ARB2A: variants seen among roughly 807,000 people sequenced by gnomAD.
The protein encoded by ARB2A is cotranscriptional regulator ARB2A.
the ARB2A span, among the ~76,000 whole-genome samples, chr5:93,972,716 A>G: frequency 2.0e-5 from 3 of 152,184 alleles, no homozygotes; most frequent in African/African-American, 7.2e-5. Flanking sequence ...AAAACAATTC[A>G]GAAACTGAAG....
At chr5:93,857,949 T>G in the ARB2A span, among the ~76,000 whole-genome samples, 1 of 152,214 alleles carries the variant, frequency 6.6e-6, no homozygotes, top group Non-Finnish European at 1.5e-5. Context: ...ATTACATGTA[T>G]TTTATAAATC....
At chr5:93,701,949 C>A in the ARB2A span, among the ~76,000 whole-genome samples, 1 of 152,216 alleles carries the variant, frequency 6.6e-6, no homozygotes, top group Middle Eastern at 3.4e-3. Context: ...CTTTGAACTG[C>A]CCTGACATTT....
chr5:93,884,226 ATTAC>A, the ARB2A span, among the ~76,000 whole-genome samples: 3 of 151,620 alleles, frequency 2.0e-5, no homozygotes, highest in African/African-American at 4.8e-5. Context: ...CTATTATCTT[ATTAC>A]TTAATCAAAA....
At chr5:94,026,506 C>T in the ARB2A span, among the ~76,000 whole-genome samples, 7 of 151,980 alleles carry the variant, frequency 4.6e-5, no homozygotes, top group Non-Finnish European at 8.8e-5. Flanking sequence ...CAGGGCTTTT[C>T]GGGCTCAGAA....
the ARB2A span, among the ~76,000 whole-genome samples, chr5:93,899,973 A>G: frequency 4.6e-5 from 7 of 152,290 alleles, no homozygotes; most frequent in African/African-American, 1.7e-4. Context: ...CATTCAAGTG[A>G]TAATAGAAAT....
chr5:93,853,919 C>G, the ARB2A span, among the ~76,000 whole-genome samples: 1 of 152,082 alleles, frequency 6.6e-6, no homozygotes, highest in South Asian at 2.1e-4. Flanking sequence ...CTAAAATTCT[C>G]TTTTTGGTTG....
At chr5:93,966,893 C>T in the ARB2A span, among the ~76,000 whole-genome samples, 3 of 152,016 alleles carry the variant, frequency 2.0e-5, no homozygotes, top group Non-Finnish European at 4.4e-5. Flanking sequence ...CGGTCTCCTA[C>T]CTTTATTCCT....
chr5:93,749,824 T>A, the ARB2A span, among the ~76,000 whole-genome samples: 1 of 152,146 alleles, frequency 6.6e-6, no homozygotes, highest in African/African-American at 2.4e-5. Flanking sequence ...TTTCAGAAGA[T>A]GCACTAACTC....
At chr5:93,640,521 C>T in the ARB2A span, among the ~76,000 whole-genome samples, 1 of 151,028 alleles carries the variant, frequency 6.6e-6, no homozygotes, top group Non-Finnish European at 1.5e-5. Flanking sequence ...CCTAAATAGA[C>T]ATTTCAAAAC....
the ARB2A span, among the ~76,000 whole-genome samples, chr5:93,706,595 CGGTGGCTCACGTCTGT>C: frequency 6.6e-6 from 1 of 151,988 alleles, no homozygotes; most frequent in South Asian, 2.1e-4. Flanking sequence ...AGGCCGGGCA[CGGTGGCTCACGTCTGT>C]AATCCCAGGA....
chr5:93,963,326 C>T, the ARB2A span, among the ~76,000 whole-genome samples: 1,892 of 151,920 alleles, frequency 0.012, 43 homozygotes, highest in African/African-American at 0.043. Context: ...AGAAAAATTT[C>T]CAAATAAACC....
the ARB2A span, among the ~76,000 whole-genome samples, chr5:93,974,825 A>T: frequency 6.6e-6 from 1 of 152,212 alleles, no homozygotes; most frequent in South Asian, 2.1e-4. Flanking sequence ...CACCATGAAG[A>T]ACTCTCAAAA....
the ARB2A span, among the ~76,000 whole-genome samples, chr5:93,947,228 A>G: frequency 6.6e-6 from 1 of 152,106 alleles, no homozygotes; most frequent in African/African-American, 2.4e-5. Context: ...AGGTGCCCCA[A>G]AGGTTTCATT....
chr5:93,678,749 T>C, the ARB2A span, among the ~76,000 whole-genome samples: 14 of 151,088 alleles, frequency 9.3e-5, no homozygotes, highest in East Asian at 2.1e-3. Context: ...GAGCAAGACT[T>C]CGTCTAAAAA....
At chr5:93,954,391 C>A in the ARB2A span, among the ~76,000 whole-genome samples, 3 of 151,884 alleles carry the variant, frequency 2.0e-5, no homozygotes, top group East Asian at 1.9e-4. Flanking sequence ...CCTCCTAGCC[C>A]AGGATGCATC....
the ARB2A span, among the ~76,000 whole-genome samples, chr5:93,780,131 C>T: frequency 1.3e-5 from 2 of 152,106 alleles, no homozygotes; most frequent in Admixed American, 6.6e-5. Flanking sequence ...AGTTGTAAAT[C>T]GCCATTGCTT....
the ARB2A span, among the ~76,000 whole-genome samples, chr5:93,782,546 A>G: frequency 6.6e-6 from 1 of 152,174 alleles, no homozygotes; most frequent in Non-Finnish European, 1.5e-5. Context: ...GATATTTTGA[A>G]TAGGCAAACC....
At chr5:93,798,297 CATACTATG>C in the ARB2A span, among the ~76,000 whole-genome samples, 12 of 152,106 alleles carry the variant, frequency 7.9e-5, no homozygotes, top group Non-Finnish European at 1.5e-4. Flanking sequence ...ACCACCAGCA[CATACTATG>C]ATCTATTAGT....
chr5:94,004,105 AT>A, the ARB2A span, among the ~76,000 whole-genome samples: 1 of 152,210 alleles, frequency 6.6e-6, no homozygotes, highest in East Asian at 1.9e-4. Context: ...GGCCTTTTCA[AT>A]TCACAGTGCT....
Sources: allele counts gnomAD v4.1 joint callset (sites outside exome capture counted in the v4.1 genomes callset), GRCh38; gene constraint gnomAD v4.1.1; transcripts MANE v1.5; gene names NCBI Gene and HGNC (gene_info 2026-07-23, HGNC 2026-07-21).